The following XPO7 variants were observed in gnomAD, a reference collection of about 807,000 sequenced individuals.
XPO7 encodes exportin 7, also known as exportin-7.
A neutral mutation model predicts 144.3 loss-of-function variants in XPO7; 21 were observed. The ratio of observed to expected loss-of-function variants is 0.15; its 90% CI spans 0.10 to 0.21. The LOEUF is 0.21. Ranked by LOEUF, XPO7 falls within the 10% of genes least tolerant of loss-of-function variation. The pLI is 1.00. For missense variants in XPO7, 808 were observed against 1,325.8 expected, an observed-to-expected ratio of 0.61 and a Z score of 6.06; for synonymous variants, 580 against 499.6, an observed-to-expected ratio of 1.16 and a Z score of -2.15.
intron 1 of XPO7, among the ~76,000 whole-genome samples, chr8:21,937,806 C>T (rs1810868622): frequency 6.6e-6 from 1 of 152,108 alleles, no homozygotes; most frequent in South Asian, 2.1e-4. Flanking sequence ...ATATTATGTT[C>T]AAATTGATCA....
At chr8:21,997,677 G>A (rs949740159) in intron 21 of XPO7, among the ~76,000 whole-genome samples, 2 of 152,160 alleles carry the variant, frequency 1.3e-5, no homozygotes, top group African/African-American at 2.4e-5. Flanking sequence ...GTGGGAAGCC[G>A]CTAGAGTGTT....
In XPO7 at chr8:21,979,397, C is replaced by CT. The variant is rs571937098; in HGVS notation, c.838-676dup. Among the ~76,000 whole-genome samples the CT allele has an allele frequency of 6.8e-3, 905 of 132,540 alleles. 32 individuals carry two copies. In the South Asian group the frequency reaches 0.13, roughly 19 times the overall value. 87.0% of individuals were successfully genotyped at this position (132,540 alleles called of 152,430 possible). Reference sequence around the variant, plus strand: ...TGATATGCTTATTTCTTTTTTTTTTCTTTTTTTTTTTCGTTTTTTTTTGTT... The same window carrying CT: ...TGATATGCTTATTTCTTTTTTTTTTCTTTTTTTTTTTTCGTTTTTTTTTGTT... On this transcript the variant is annotated intron_variant, in intron 8 of 27. Coordinates refer to ENST00000252512, the MANE Select transcript of XPO7 (RefSeq NM_015024.5).
chr8:21,998,269 A>G (rs6993874), intron 21 of XPO7, among the ~76,000 whole-genome samples: 88,768 of 151,938 alleles, frequency 0.58, 26,601 homozygotes, highest in African/African-American at 0.74. Context: ...GTGAAATCCC[A>G]TCTCCACTAA....
chr8:21,948,345 A>G (rs1372778408), intron 1 of XPO7, among the ~76,000 whole-genome samples: 3 of 152,182 alleles, frequency 2.0e-5, no homozygotes, highest in East Asian at 1.9e-4. Flanking sequence ...CACAAAGACC[A>G]TTGTGTTACG....
At chr8:21,979,940 A>C in intron 8 of XPO7, 144 bp from the exon 9 acceptor site, 1 of 1,027,236 alleles carries the variant, frequency 9.7e-7, no homozygotes, top group Non-Finnish European at 1.3e-6. Flanking sequence ...GTCTGCTTGG[A>C]TCTATGTTCT....
intron 1 of XPO7, among the ~76,000 whole-genome samples, chr8:21,953,284 C>G (rs1030651726): frequency 1.3e-5 from 2 of 152,168 alleles, no homozygotes; most frequent in Non-Finnish European, 1.5e-5. Flanking sequence ...TTCTCCCCCC[C>G]TGCAAACTCC....
At chr8:21,946,841 A>T (rs552557004) in intron 1 of XPO7, among the ~76,000 whole-genome samples, 18 of 152,260 alleles carry the variant, frequency 1.2e-4, no homozygotes, top group Non-Finnish European at 1.8e-4. Flanking sequence ...GAAAGAAAAC[A>T]TCACCTGCAG....
chr8:21,978,091 G>T (rs905347492), intron 8 of XPO7, among the ~76,000 whole-genome samples: 1 of 152,080 alleles, frequency 6.6e-6, no homozygotes, highest in African/African-American at 2.4e-5. Flanking sequence ...GGGTCTCATC[G>T]TGTATCTGAC....
intron 1 of XPO7, among the ~76,000 whole-genome samples, chr8:21,926,627 C>T (rs1243398848): frequency 1.3e-5 from 2 of 151,502 alleles, no homozygotes; most frequent in Non-Finnish European, 2.9e-5. Flanking sequence ...TCCAAAAAGA[C>T]GTTGTCTAAA....
Position 22,002,231 on chromosome 8 carries a change from T to C in XPO7, c.2902T>C (p.Phe968Leu), listed in dbSNP as rs1485943934. Residue 968 changes from phenylalanine to leucine, a missense_variant, in exon 25 of 28, where the codon TTT (phenylalanine) becomes CTT (leucine). By Grantham distance (22) the Phe-to-Leu change is conservative. Around this residue, in one of 5 missense-constraint regions of XPO7, gnomAD observed 140 missense variants for 237.9 expected, o/e 0.59. Coordinates refer to ENST00000252512, the MANE Select transcript of XPO7 (RefSeq NM_015024.5). ...TTPLNQESDR[F>L]LHIMQQHPEM... is the part of the protein sequence containing the mutation. ...ACCCCTGAACCAGGAGAGCGACCGC[T>C]TTCTGCACATCATGCAGCAGCATCC... 7 of 1,613,240 alleles carry C rather than the reference T, an allele frequency of 4.3e-6. No homozygotes were observed. The highest frequency in any genetic ancestry group is 5.9e-6 in the Non-Finnish European group (7 of 1,179,630).
intron 16 of XPO7, 151 bp from the exon 17 acceptor site, chr8:21,990,193 T>C (rs2117380136): frequency 1.4e-6 from 1 of 726,900 alleles, no homozygotes; most frequent in South Asian, 1.8e-5. Context: ...TAGAAGAGAA[T>C]GCATTTTTTC....
At chr8:22,003,376 TC>T in intron 26 of XPO7, 59 bp downstream of exon 26, 2 of 1,351,096 alleles carry the variant, frequency 1.5e-6, no homozygotes, top group Non-Finnish European at 2.1e-6. Context: ...GCACTTGGTA[TC>T]ACCAAGCCCT....
At position 21,982,747 on chromosome 8, in the gene XPO7, T is replaced by C; in HGVS notation, c.1212T>C (p.Thr404=). The change falls in exon 11 of 28, where the codon ACT becomes ACC. Residue 404 remains threonine, a synonymous_variant. Coordinates refer to ENST00000252512, the MANE Select transcript of XPO7 (RefSeq NM_015024.5). ...VKATEPHMLE[T]YTPEVTKAYI... is the part of the protein sequence containing the mutation. ...CCACAGAGCCCCACATGCTGGAAAC[T>C]TACACTCCTGAGGTCACCAAAGCCT... The C allele has an allele frequency of 6.2e-7, 1 of 1,613,934 alleles. No individual in the cohort carries two copies. The highest frequency in any genetic ancestry group is 1.1e-5 in the South Asian group (1 of 91,072).
Position 22,002,161 on chromosome 8 carries a change from A to G in XPO7, c.2832A>G (p.Thr944=). Residue 944 remains threonine (T), a synonymous_variant, in exon 25 of 28, where the codon ACA becomes ACG. Coordinates refer to ENST00000252512, the MANE Select transcript of XPO7 (RefSeq NM_015024.5). ...GCCSCLDHIV[T]YLFKQLSRST... Reference sequence around the variant, plus strand: ...GCTCCTGCCTGGACCACATTGTGACATACCTCTTCAAGCAGCTGTCACGTA... The same window carrying G: ...GCTCCTGCCTGGACCACATTGTGACGTACCTCTTCAAGCAGCTGTCACGTA... The G allele has an allele frequency of 1.9e-6, 3 of 1,612,734 alleles. 1 individual carries two copies. The highest frequency in any genetic ancestry group is 2.2e-5 in the South Asian group (2 of 90,690).
At chr8:21,941,757 ACT>A (rs945617215) in intron 1 of XPO7, among the ~76,000 whole-genome samples, 26 of 152,018 alleles carry the variant, frequency 1.7e-4, no homozygotes, top group African/African-American at 6.3e-4. Context: ...TTTTTCACAG[ACT>A]CTATTTTCTA....
At chr8:21,986,949 C>G (rs1812597984) in intron 13 of XPO7, among the ~76,000 whole-genome samples, 192 bp from the exon 14 acceptor site, 1 of 152,210 alleles carries the variant, frequency 6.6e-6, no homozygotes, top group African/African-American at 2.4e-5. Context: ...TGAACATCAT[C>G]CTTCATGTGT....
Position 21,959,581 on chromosome 8 carries a change from A to G in XPO7, c.19-7276A>G, listed in dbSNP as rs187040625. Among the ~76,000 whole-genome samples, 2 of 152,278 alleles carry G rather than the reference A, an allele frequency of 1.3e-5. 1 individual carries two copies. The highest frequency in any genetic ancestry group is 1.3e-4 in the Admixed American group (2 of 15,296). Reference sequence around the variant, plus strand: ...GAAGTTGTTTGTGGGTAAAGATCCTACACTACAATCACAAGGATGTGAGTG... The same window carrying G: ...GAAGTTGTTTGTGGGTAAAGATCCTGCACTACAATCACAAGGATGTGAGTG... On this transcript the variant is annotated intron_variant, in intron 1 of 27. Coordinates refer to ENST00000252512, the MANE Select transcript of XPO7 (RefSeq NM_015024.5).
chr8:22,000,986 G>T (rs534981999), intron 24 of XPO7, among the ~76,000 whole-genome samples: 72 of 152,130 alleles, frequency 4.7e-4, no homozygotes, highest in Non-Finnish European at 4.4e-4. Context: ...TCCAATCAAG[G>T]TATCAGCCCT....
intron 18 of XPO7, 155 bp from the exon 19 acceptor site, chr8:21,991,713 A>G: frequency 1.9e-6 from 1 of 532,878 alleles, no homozygotes; most frequent in Non-Finnish European, 3.3e-6. Context: ...CTATATATAC[A>G]TGTTGCTCTT....
Sources: allele counts gnomAD v4.1 joint callset (sites outside exome capture counted in the v4.1 genomes callset), GRCh38; gene constraint gnomAD v4.1.1; regional missense constraint gnomAD v4.1.1; transcripts MANE v1.5; gene names NCBI Gene and HGNC (gene_info 2026-07-23, HGNC 2026-07-21).